GSE1: variants seen among roughly 807,000 people sequenced by gnomAD.
The protein encoded by GSE1 is genetic suppressor element 1.
Under a neutral mutation model 112.6 loss-of-function variants are expected in GSE1, and 32 were observed. The ratio of observed to expected loss-of-function variants is 0.28; its 90% CI spans 0.21 to 0.38. The LOEUF (loss-of-function observed/expected upper bound fraction) is 0.38, where lower values mean the gene tolerates loss of function less well. Among genes scored for constraint, GSE1 ranks in the 10% least tolerant of loss-of-function variants. GSE1 has a pLI of 1.00. For missense variants in GSE1, 2,348 were observed against 1,699.2 expected (o/e 1.38, Z -6.71); for synonymous variants, 1,115 against 735.6 (o/e 1.52, Z -8.35).
At chr16:85,466,000 G>C (rs183055098) in intron 2 of GSE1, among the ~76,000 whole-genome samples, 1 of 152,378 alleles carries the variant, frequency 6.6e-6, no homozygotes, top group East Asian at 1.9e-4. Flanking sequence ...TCCAAGTCCT[G>C]TGGGTGGATG....
chr16:85,613,453 C>T (rs1225061091), intron 1 of GSE1, 55 bp downstream of exon 1: 6 of 1,463,214 alleles, frequency 4.1e-6, no homozygotes, highest in South Asian at 1.3e-5. Context: ...CCCCACCGCA[C>T]TGTCCTCCTG....
intron 2 of GSE1, among the ~76,000 whole-genome samples, chr16:85,436,451 C>G (rs185032648): frequency 1.3e-5 from 2 of 152,250 alleles, no homozygotes; most frequent in Admixed American, 1.3e-4. Context: ...CCAATCTGCC[C>G]TCTCCCTGGT....
chr16:85,171,010 C>G (rs995742558), exon 1 of GSE1: 21 of 985,426 alleles, frequency 2.1e-5, no homozygotes, highest in Non-Finnish European at 2.5e-5. Context: ...CCGGGCGGTC[C>G]CCTCCAGGAT....
chr16:85,552,948 G>C (rs1427305260), upstream of GSE1, among the ~76,000 whole-genome samples: 1 of 152,244 alleles, frequency 6.6e-6, no homozygotes, highest in East Asian at 1.9e-4. Flanking sequence ...GGAAGGTTTA[G>C]TATTAATTAC....
intron 2 of GSE1, among the ~76,000 whole-genome samples, chr16:85,397,528 G>GC (rs1201329373): frequency 6.6e-6 from 1 of 152,196 alleles, no homozygotes; most frequent in Non-Finnish European, 1.5e-5. Context: ...GCCTCTGTCT[G>GC]CCCCCCGCCG....
chr16:85,545,539 C>T (rs1241824075), intron 2 of GSE1, among the ~76,000 whole-genome samples: 2 of 152,140 alleles, frequency 1.3e-5, no homozygotes, highest in Admixed American at 6.5e-5. Context: ...CTCTGAGTTC[C>T]AGTCTGAGCA....
chr16:85,576,797 C>T (rs1304122312), intron 1 of GSE1, among the ~76,000 whole-genome samples: 1 of 152,104 alleles, frequency 6.6e-6, no homozygotes, highest in African/African-American at 2.4e-5. Context: ...CTGGTGTGTC[C>T]TTGGGGATCA....
At chr16:85,240,473 G>A (rs1166377122) in intron 1 of GSE1, among the ~76,000 whole-genome samples, 2 of 152,242 alleles carry the variant, frequency 1.3e-5, no homozygotes, top group African/African-American at 2.4e-5. Context: ...TCCTGGGGCT[G>A]CTGCTGGCCT....
intron 2 of GSE1, among the ~76,000 whole-genome samples, chr16:85,501,069 C>T (rs1472195677): frequency 3.1e-5 from 4 of 127,140 alleles, no homozygotes; most frequent in Admixed American, 9.9e-5. Flanking sequence ...GGCACGATCT[C>T]GGCTCACTGC....
intron 1 of GSE1, among the ~76,000 whole-genome samples, chr16:85,208,739 G>A (rs2075164943): frequency 6.6e-6 from 1 of 151,104 alleles, no homozygotes; most frequent in African/African-American, 2.4e-5. Flanking sequence ...GTTGACTGCT[G>A]CCCGCTCTAG....
chr16:85,661,478 A>G lies in GSE1; in HGVS notation c.1973A>G (p.Glu658Gly). ...CAGCCACCTCCGCCGCCACCACGAGAGGGAGGGAGCCTGGAGCACCAGCCC... is the reference window on the plus strand; with the variant it reads ...CAGCCACCTCCGCCGCCACCACGAGGGGGAGGGAGCCTGGAGCACCAGCCC... ...KYQPPPPPPREGGSLEHQPFL... is the reference protein window; with the variant it reads ...KYQPPPPPPRGGGSLEHQPFL... Residue 658 changes from glutamate (E) to glycine (G), a missense_variant, in exon 9 of 16, where the codon GAG (glutamate) becomes GGG (glycine). Coordinates refer to ENST00000253458, the MANE Select transcript of GSE1 (RefSeq NM_014615.5). 1 of 1,611,476 alleles carries G rather than the reference A, an allele frequency of 6.2e-7. No homozygotes were observed. The highest frequency in any genetic ancestry group is 8.5e-7 in the Non-Finnish European group (1 of 1,179,342).
intron 2 of GSE1, among the ~76,000 whole-genome samples, chr16:85,446,246 C>T (rs1009259719): frequency 1.3e-5 from 2 of 152,208 alleles, no homozygotes; most frequent in Admixed American, 6.5e-5. Flanking sequence ...GTGTCCTCCA[C>T]TCATCAGTTG....
intron 2 of GSE1, among the ~76,000 whole-genome samples, chr16:85,506,336 C>A (rs181316798): frequency 6.6e-6 from 1 of 152,066 alleles, no homozygotes; most frequent in Non-Finnish European, 1.5e-5. Context: ...ATGTGGCTAC[C>A]GTATGGATGG....
At chr16:85,479,735 G>A (rs1438959911) in intron 2 of GSE1, among the ~76,000 whole-genome samples, 1 of 152,194 alleles carries the variant, frequency 6.6e-6, no homozygotes. Context: ...GGCTGGCTGG[G>A]GACGTCCCAT....
chr16:85,200,584 G>A (rs2075009421), intron 1 of GSE1, among the ~76,000 whole-genome samples: 1 of 152,126 alleles, frequency 6.6e-6, no homozygotes, highest in African/African-American at 2.4e-5. Context: ...AACACCGGAT[G>A]ACGTGTTTCA....
intron 1 of GSE1, among the ~76,000 whole-genome samples, chr16:85,294,055 G>T (rs759684125): frequency 6.6e-6 from 1 of 152,166 alleles, no homozygotes; most frequent in African/African-American, 2.4e-5. Context: ...CTCCCCGGCC[G>T]CTGGTGAAAT....
At chr16:85,608,128 G>GA (rs1382108356), upstream of GSE1, among the ~76,000 whole-genome samples, 2 of 152,206 alleles carry the variant, frequency 1.3e-5, no homozygotes, top group African/African-American at 4.8e-5. Flanking sequence ...GCCGGGCTTT[G>GA]AAGAATGGGG....
chr16:85,648,215 C>G (rs1022500016), intron 2 of GSE1, among the ~76,000 whole-genome samples: 2 of 152,148 alleles, frequency 1.3e-5, no homozygotes, highest in African/African-American at 4.8e-5. Flanking sequence ...TCAGGGACGT[C>G]AGGCACTGGT....
chr16:85,645,804 C>T (rs1347597890), intron 2 of GSE1, among the ~76,000 whole-genome samples: 2 of 152,184 alleles, frequency 1.3e-5, no homozygotes, highest in South Asian at 2.1e-4. Flanking sequence ...CATCTACCTG[C>T]TTCTACCACG....
Sources: allele counts gnomAD v4.1 joint callset (sites outside exome capture counted in the v4.1 genomes callset), GRCh38; gene constraint gnomAD v4.1.1; transcripts MANE v1.5; gene names NCBI Gene and HGNC (gene_info 2026-07-23, HGNC 2026-07-21).